MYO7B: variants seen among roughly 807,000 people sequenced by gnomAD.
MYO7B encodes myosin VIIB, also known as unconventional myosin-VIIb.
Under a neutral mutation model 259.7 loss-of-function variants are expected in MYO7B, and 212 were observed. That is an observed-to-expected ratio of 0.82 (90% CI 0.73 to 0.91). The LOEUF (loss-of-function observed/expected upper bound fraction) is 0.91, where lower values mean the gene tolerates loss of function less well. Among genes scored for constraint, MYO7B ranks in the 40% least tolerant of loss-of-function variants. MYO7B has a pLI of 0.00. For synonymous variants in MYO7B, 1,197 were observed against 1,166.4 expected, an observed-to-expected ratio of 1.03 and a Z score of -0.54; for missense variants, 2,732 against 2,813.5, an observed-to-expected ratio of 0.97 and a Z score of 0.66.
At chr2:127,634,932 G>A (rs1330536807) in intron 42 of MYO7B, 188 bp from the exon 43 acceptor site, 1 of 644,458 alleles carries the variant, frequency 1.6e-6, no homozygotes. Context: ...GGGAGTGCGA[G>A]TCCAGGAATG....
At chr2:127,538,673 C>T (rs569565716) in intron 1 of MYO7B, among the ~76,000 whole-genome samples, 1 of 152,000 alleles carries the variant, frequency 6.6e-6, no homozygotes, top group East Asian at 1.9e-4. Flanking sequence ...TCAAGCAATT[C>T]TTCCCCCTCA....
intron 30 of MYO7B, among the ~76,000 whole-genome samples, chr2:127,624,874 C>T (rs1237387154): frequency 1.3e-5 from 2 of 152,204 alleles, no homozygotes; most frequent in Non-Finnish European, 2.9e-5. Flanking sequence ...AGATGCTGTT[C>T]CGGGACCCAT....
intron 1 of MYO7B, among the ~76,000 whole-genome samples, chr2:127,547,680 G>C (rs940871187): frequency 1.3e-5 from 2 of 152,162 alleles, no homozygotes; most frequent in African/African-American, 4.8e-5. Flanking sequence ...ATTGTTCTGA[G>C]AGTCCAGCAG....
chr2:127,563,793 G>A (rs143370369), intron 2 of MYO7B, among the ~76,000 whole-genome samples: 59 of 152,266 alleles, frequency 3.9e-4, no homozygotes, highest in Non-Finnish European at 7.2e-4. Flanking sequence ...TCTTGCTACC[G>A]TCATCAAGCT....
chr2:127,623,501 A>C (rs1254973971), intron 29 of MYO7B, 126 bp downstream of exon 29: 28 of 1,028,946 alleles, frequency 2.7e-5, no homozygotes, highest in Non-Finnish European at 3.8e-5. Flanking sequence ...CAGGCACAGC[A>C]CTGCTTACCC....
At chr2:127,558,563 T>A (rs1677922835) in intron 1 of MYO7B, among the ~76,000 whole-genome samples, 1 of 152,222 alleles carries the variant, frequency 6.6e-6, no homozygotes, top group South Asian at 2.1e-4. Context: ...TATAGCAGCA[T>A]GATTCACAAT....
Position 127,627,383 on chromosome 2 carries a change from T to TGG in MYO7B, c.4460+76_4460+77dup. 9.2e-7 allele frequency: 1 copy of TGG among 1,092,798 alleles called. No individual in the cohort carries two copies. Among genetic ancestry groups the TGG allele is most frequent in the Admixed American group, 3.1e-5 (1 of 32,534 alleles). 67.7% of individuals were successfully genotyped at this position (1,092,798 alleles called of 1,614,324 possible). A position where few individuals can be genotyped will look rare whatever the true frequency, so the allele number is the denominator to read the frequency against. On this transcript the variant is annotated intron_variant, in intron 33 of 47. Transcript: ENST00000409816. This position sits in a 1 kb window ranked among gnomAD's most constrained non-coding sequence, Gnocchi z 5.6. ...ATGCATCTGGGGGCTCGGGGAGAGA[T>TGG]GGGGAGAGGGGCAGTGTGCCGTCCC...
At chr2:127,637,147 C>T (rs1348904943) in intron 47 of MYO7B, 169 bp from the exon 48 acceptor site, 1 of 904,064 alleles carries the variant, frequency 1.1e-6, no homozygotes, top group Non-Finnish European at 1.8e-6. Flanking sequence ...GAGGGAGACC[C>T]AGCTCCAGCA....
intron 1 of MYO7B, among the ~76,000 whole-genome samples, chr2:127,540,547 A>G (rs1692965891): frequency 6.6e-6 from 1 of 152,186 alleles, no homozygotes; most frequent in South Asian, 2.1e-4. Flanking sequence ...GAATATCCCT[A>G]CTGTTTTCCA....
chr2:127,561,308 A>C (rs963838195), intron 2 of MYO7B, among the ~76,000 whole-genome samples: 2 of 151,692 alleles, frequency 1.3e-5, no homozygotes, highest in Non-Finnish European at 2.9e-5. Flanking sequence ...TCTGTCACCC[A>C]GGCTGGAGTG....
intron 3 of MYO7B, 46 bp downstream of exon 3, chr2:127,564,312 C>A: frequency 6.9e-7 from 1 of 1,454,172 alleles, no homozygotes; most frequent in South Asian, 1.2e-5. Flanking sequence ...GCCCTCACAT[C>A]CAGGGCCCTG....
chr2:127,546,971 T>A lies in MYO7B; in HGVS notation c.-24+11140T>A, dbSNP rs1001100309. ...ACTCATCCATCCATCCATCCACCAA[T>A]CTATCCATCCATCAACCCATCAGTG... On this transcript the variant is annotated intron_variant, in intron 1 of 47. Coordinates refer to ENST00000409816, the MANE Select transcript of MYO7B (RefSeq NM_001393586.1). The surrounding 1 kb of genome is among the most constrained non-coding windows in gnomAD (Gnocchi z 4.2). Among the ~76,000 whole-genome samples, 8 of 150,376 alleles carry A rather than the reference T, an allele frequency of 5.3e-5. No homozygotes were observed. Among genetic ancestry groups the A allele is most frequent in the African/African-American group, 2.0e-4 (8 of 40,934 alleles).
At chr2:127,547,988 A>G (rs1693301168) in intron 1 of MYO7B, among the ~76,000 whole-genome samples, 1 of 152,184 alleles carries the variant, frequency 6.6e-6, no homozygotes, top group Non-Finnish European at 1.5e-5. Flanking sequence ...TCATTGATTC[A>G]GTTTCTCTAA....
At chr2:127,623,554 A>C (rs1433459481) in intron 29 of MYO7B, among the ~76,000 whole-genome samples, 179 bp downstream of exon 29, 1 of 152,088 alleles carries the variant, frequency 6.6e-6, no homozygotes, top group Non-Finnish European at 1.5e-5. Flanking sequence ...CACAGAGCAA[A>C]CAGCCTTTCC....
Position 127,633,399 on chromosome 2 carries a change from G to A in MYO7B, c.5511+36G>A, listed in dbSNP as rs142632051. The A allele has an allele frequency of 1.0e-3, 1,615 of 1,592,610 alleles. 13 individuals carry two copies. In the African/African-American group the frequency reaches 0.018, roughly 18 times the overall value. The stretch of plus-strand genomic sequence containing the variant: ...GCTCTGGTCTGCACGGCAAGTCTCA[G>A]GCCTCCAGAGGCCATGGGGCATCCT... On this transcript the variant is annotated intron_variant, in intron 40 of 47. Transcript: ENST00000409816.
At chr2:127,619,137 C>T (rs1270687875) in intron 26 of MYO7B, among the ~76,000 whole-genome samples, 1 of 81,992 alleles carries the variant, frequency 1.2e-5, no homozygotes, top group African/African-American at 5.3e-5. Flanking sequence ...TTGTGGTGGC[C>T]AGCTGGATTG....
chr2:127,578,854 A>C (rs1203523277), intron 9 of MYO7B, among the ~76,000 whole-genome samples: 1 of 152,250 alleles, frequency 6.6e-6, no homozygotes, highest in Non-Finnish European at 1.5e-5. Context: ...AAGATTTCAA[A>C]GTTGGAATTA....
chr2:127,635,818 C>T lies in MYO7B; in HGVS notation c.5917C>T (p.Arg1973Trp), dbSNP rs76377851. ...LIYKAQFNND[R>W]SQLASVPKIL... ...CTACAAGGCCCAGTTCAACAACGACCGGTCCCAGCTGGCTAGTGTCCCCAA... is the reference window on the plus strand; with the variant it reads ...CTACAAGGCCCAGTTCAACAACGACTGGTCCCAGCTGGCTAGTGTCCCCAA... Residue 1973 changes from arginine to tryptophan, a missense_variant, in exon 44 of 48, where the codon CGG becomes TGG. Transcript: ENST00000409816. 3.7e-4 allele frequency: 589 copies of T among 1,588,566 alleles called. 2 individuals carry two copies. The African/African-American group carries it at 4.5e-3, about 12-fold the overall frequency.
At position 127,615,361 on chromosome 2, in the gene MYO7B, G is replaced by A. The variant is rs1173256786; in HGVS notation, c.3398+2758G>A. On this transcript the variant is annotated intron_variant, in intron 26 of 47. Transcript: ENST00000409816. The surrounding 1 kb of genome is among the most constrained non-coding windows in gnomAD (Gnocchi z 4.4). ...ATCGTTATGAGACAGAACAAAGGGGGATGAACGTAGAAATGAAAACTGAAG... is the reference window on the plus strand; with the variant it reads ...ATCGTTATGAGACAGAACAAAGGGGAATGAACGTAGAAATGAAAACTGAAG... 6.6e-6 allele frequency among the ~76,000 whole-genome samples: 1 copy of A among 152,122 alleles called. No individual in the cohort carries two copies. Among genetic ancestry groups the A allele is most frequent in the African/African-American group, 2.4e-5 (1 of 41,446 alleles).
Sources: gnomAD v4.1 joint callset for allele counts (sites outside exome capture counted in the v4.1 genomes callset) on GRCh38, gnomAD v4.1.1 for gene constraint, Gnocchi (gnomAD v3.1) non-coding constraint, MANE v1.5 for transcripts, NCBI Gene and HGNC (gene_info 2026-07-23, HGNC 2026-07-21) for gene names.